Variants in ADTRP observed in about 807,000 individuals in gnomAD.
ADTRP encodes androgen-dependent TFPI-regulating protein.
Under a neutral mutation model 27.0 loss-of-function variants are expected in ADTRP, and 20 were observed. That is an observed-to-expected ratio of 0.74 (90% CI 0.52 to 1.08). ADTRP has a LOEUF of 1.08. ADTRP is among the 50% of genes least tolerant of loss of function. The pLI, the probability that ADTRP is intolerant of heterozygous loss-of-function variation, is 0.00. For missense variants in ADTRP, 251 were observed against 275.0 expected (o/e 0.91, Z 0.62); for synonymous variants, 101 against 105.2 (o/e 0.96, Z 0.25).
At chr6:11,767,511 C>A (rs1239658052) in intron 2 of ADTRP, 1 of 152,248 alleles carries the variant, frequency 6.6e-6, no homozygotes, top group Non-Finnish European at 1.5e-5. Flanking sequence ...GGAAGCAGGA[C>A]AATGACAGGT....
chr6:11,730,021 C>G (rs1274675717), intron 4 of ADTRP, among the ~76,000 whole-genome samples: 1 of 152,158 alleles, frequency 6.6e-6, no homozygotes, highest in African/African-American at 2.4e-5. Context: ...CAGTTTTACT[C>G]TCTTCATGCC....
intron 1 of ADTRP, among the ~76,000 whole-genome samples, chr6:11,773,506 G>C (rs1397995240): frequency 6.6e-6 from 1 of 152,208 alleles, no homozygotes; most frequent in African/African-American, 2.4e-5. Flanking sequence ...TGCAGCATTT[G>C]CACCCCATAT....
chr6:11,746,114 A>G (rs1762859121), intron 3 of ADTRP, among the ~76,000 whole-genome samples: 1 of 152,114 alleles, frequency 6.6e-6, no homozygotes, highest in South Asian at 2.1e-4. Flanking sequence ...TCTTGCTAAG[A>G]ATCCAAGAGC....
At chr6:11,772,009 C>T (rs989430459) in intron 1 of ADTRP, among the ~76,000 whole-genome samples, 1 of 152,226 alleles carries the variant, frequency 6.6e-6, no homozygotes, top group South Asian at 2.1e-4. Flanking sequence ...GGAAACTATA[C>T]AGTAGCATTA....
intron 3 of ADTRP, among the ~76,000 whole-genome samples, chr6:11,757,517 ATG>A (rs1266848934): frequency 1.3e-5 from 2 of 152,206 alleles, no homozygotes; most frequent in Admixed American, 1.3e-4. Flanking sequence ...CTCAAAATTC[ATG>A]TCATTCCTGG....
chr6:11,778,517 T>C (rs1764032533), intron 1 of ADTRP, 90 bp downstream of exon 1: 3 of 1,427,696 alleles, frequency 2.1e-6, no homozygotes, highest in East Asian at 2.4e-5. Flanking sequence ...AACAAAATTG[T>C]GTATTTAATA....
chr6:11,763,553 C>T (rs1034963176), intron 3 of ADTRP, among the ~76,000 whole-genome samples: 4 of 152,304 alleles, frequency 2.6e-5, no homozygotes, highest in African/African-American at 4.8e-5. Flanking sequence ...AATGCCCAGC[C>T]GGACTGCCCG....
chr6:11,741,443 GA>G (rs1444097774), intron 3 of ADTRP, among the ~76,000 whole-genome samples: 1 of 152,184 alleles, frequency 6.6e-6, no homozygotes, highest in Non-Finnish European at 1.5e-5. Flanking sequence ...TCTGGAAAGA[GA>G]AATGAATGCC....
intron 4 of ADTRP, among the ~76,000 whole-genome samples, chr6:11,728,745 G>A (rs1296707611): frequency 1.3e-5 from 2 of 152,188 alleles, no homozygotes; most frequent in Admixed American, 6.5e-5. Flanking sequence ...AAATGCAGCA[G>A]GTTCTTTGAA....
intron 4 of ADTRP, among the ~76,000 whole-genome samples, chr6:11,732,747 G>T (rs776820616): frequency 2.6e-5 from 4 of 152,124 alleles, no homozygotes; most frequent in Non-Finnish European, 5.9e-5. Context: ...GTTCCTGCTG[G>T]TGACAGGTCT....
At chr6:11,732,023 G>A (rs1187434752) in intron 4 of ADTRP, among the ~76,000 whole-genome samples, 1 of 152,180 alleles carries the variant, frequency 6.6e-6, no homozygotes, top group African/African-American at 2.4e-5. Flanking sequence ...TGGGGTAGGA[G>A]AGAAGGGAGA....
chr6:11,715,333 ATATCT>A (rs1293811107), intron 5 of ADTRP, among the ~76,000 whole-genome samples: 1 of 152,064 alleles, frequency 6.6e-6, no homozygotes, highest in Admixed American at 6.5e-5. Flanking sequence ...TAAACACTAG[ATATCT>A]TATACTCATT....
chr6:11,771,094 T>C (rs1483917846), intron 1 of ADTRP, among the ~76,000 whole-genome samples: 1 of 151,152 alleles, frequency 6.6e-6, no homozygotes, highest in African/African-American at 2.5e-5. Context: ...AGTCACAGGA[T>C]GTGGAAATCG....
intron 4 of ADTRP, among the ~76,000 whole-genome samples, chr6:11,723,906 A>G (rs771682077): frequency 6.6e-6 from 1 of 152,096 alleles, no homozygotes; most frequent in Non-Finnish European, 1.5e-5. Flanking sequence ...TAAAAATACA[A>G]AAAATTAACT....
At chr6:11,771,014 C>T (rs1344048656) in intron 1 of ADTRP, among the ~76,000 whole-genome samples, 1 of 152,212 alleles carries the variant, frequency 6.6e-6, no homozygotes, top group African/African-American at 2.4e-5. Flanking sequence ...ATGTGACCTG[C>T]TTTCCTCAGG....
chr6:11,747,350 C>T (rs1360158435), intron 3 of ADTRP, among the ~76,000 whole-genome samples: 2 of 152,166 alleles, frequency 1.3e-5, no homozygotes, highest in African/African-American at 4.8e-5. Context: ...AATGATTGTG[C>T]ACTTTTTGGT....
intron 1 of ADTRP, 50 bp downstream of exon 1, chr6:11,778,554 CACT>C: frequency 6.4e-7 from 1 of 1,561,430 alleles, no homozygotes; most frequent in East Asian, 2.3e-5. Context: ...TGTGTGGCAG[CACT>C]GATATTCTAG....
At chr6:11,725,754 C>T in intron 4 of ADTRP, among the ~76,000 whole-genome samples, 1 of 151,974 alleles carries the variant, frequency 6.6e-6, no homozygotes, top group East Asian at 1.9e-4. Context: ...AAAAAATTAG[C>T]CAGGCGTGGT....
chr6:11,762,581 T>C (rs1320502114), intron 3 of ADTRP, among the ~76,000 whole-genome samples: 2 of 152,176 alleles, frequency 1.3e-5, no homozygotes, highest in Non-Finnish European at 2.9e-5. Context: ...AAACCCCCCT[T>C]AACATCAATG....
Sources: allele counts gnomAD v4.1 joint callset (sites outside exome capture counted in the v4.1 genomes callset), GRCh38; gene constraint gnomAD v4.1.1; transcripts MANE v1.5; gene names NCBI Gene and HGNC (gene_info 2026-07-23, HGNC 2026-07-21).